METTL5: variants seen among roughly 807,000 people sequenced by gnomAD.
The protein encoded by METTL5 is rRNA N(6)-adenosine-methyltransferase METTL5.
Under a neutral mutation model 26.5 loss-of-function variants are expected in METTL5, and 28 were observed. That is an observed-to-expected ratio of 1.06 (90% confidence interval 0.78 to 1.45). The LOEUF (loss-of-function observed/expected upper bound fraction) is 1.45, where lower values mean the gene tolerates loss of function less well. Among genes scored for constraint, METTL5 ranks in the 40% most tolerant of loss-of-function variants. METTL5 has a pLI of 0.00. For missense variants in METTL5, 231 were observed against 249.9 expected, an observed-to-expected ratio of 0.92 and a Z score of 0.51; for synonymous variants, 86 against 82.6, an observed-to-expected ratio of 1.04 and a Z score of -0.22.
intron 4 of METTL5, 125 bp downstream of exon 4, chr2:169,819,436 G>C: frequency 1.6e-6 from 1 of 629,182 alleles, no homozygotes; most frequent in East Asian, 2.9e-5. Context: ...GAAAATTTAA[G>C]TTTCACATGT....
chr2:169,817,180 A>G (rs531557711), intron 4 of METTL5, among the ~76,000 whole-genome samples: 2 of 152,374 alleles, frequency 1.3e-5, no homozygotes, highest in East Asian at 3.9e-4. Context: ...GACATATGAA[A>G]AAATGCTCAT....
chr2:169,821,368 T>C (rs2105722007), intron 2 of METTL5, 95 bp from the exon 3 acceptor site: 4 of 889,790 alleles, frequency 4.5e-6, no homozygotes, highest in Middle Eastern at 2.5e-4. Context: ...ACCATATATC[T>C]TTTTAACCCA....
At chr2:169,811,897 C>A (rs771196562) in intron 6 of METTL5, 39 bp from the exon 7 acceptor site, 1 of 1,600,498 alleles carries the variant, frequency 6.2e-7, no homozygotes, top group African/African-American at 1.3e-5. Context: ...TTTAACTTGT[C>A]TTTTTGTTAT....
intron 2 of METTL5, among the ~76,000 whole-genome samples, chr2:169,821,723 G>A (rs1386559518): frequency 6.6e-6 from 1 of 152,006 alleles, no homozygotes; most frequent in Admixed American, 6.6e-5. Context: ...GGCAGGGGTT[G>A]GAAACTCAGG....
chr2:169,817,034 A>G (rs181509692), intron 4 of METTL5, among the ~76,000 whole-genome samples: 30 of 152,342 alleles, frequency 2.0e-4, no homozygotes, highest in African/African-American at 6.7e-4. Context: ...TTTGCAATCT[A>G]TCCATCTGAC....
chr2:169,818,411 G>A (rs955561451), intron 4 of METTL5, among the ~76,000 whole-genome samples: 4 of 152,142 alleles, frequency 2.6e-5, no homozygotes, highest in African/African-American at 7.2e-5. Flanking sequence ...AAGACTAGAT[G>A]CTGAGTCCTG....
intron 5 of METTL5, among the ~76,000 whole-genome samples, chr2:169,813,802 G>A (rs1322642335): frequency 2.0e-5 from 3 of 152,080 alleles, no homozygotes; most frequent in Non-Finnish European, 4.4e-5. Context: ...GGAGGTGGAG[G>A]TTGCAGTGAG....
chr2:169,824,618 C>T lies in METTL5; in HGVS notation c.-21G>A, dbSNP rs760229944. On this transcript the variant is annotated 5_prime_UTR_variant, in exon 1 of 7. Transcript: ENST00000260953. ...TTCATTTTGTTTTAAAGTATGGACT[C>T]GTAGGGTTTGAAGGCACAGGATCTG... The T allele has an allele frequency of 3.2e-6, 5 of 1,572,596 alleles. No individual in the cohort carries two copies. The highest frequency in any genetic ancestry group is 4.5e-5 in the East Asian group (2 of 44,702).
At chr2:169,824,396 A>G in intron 1 of METTL5, 93 bp downstream of exon 1, 1 of 1,032,226 alleles carries the variant, frequency 9.7e-7, no homozygotes, top group East Asian at 2.4e-5. Context: ...ATTTCTCTAG[A>G]CATTCTCTGT....
intron 5 of METTL5, chr2:169,813,091 A>G (rs1343154052): frequency 6.7e-6 from 1 of 149,074 alleles, no homozygotes; most frequent in Non-Finnish European, 1.5e-5. Flanking sequence ...TGAAATGCAG[A>G]TTCTAGTTCA....
Position 169,821,989 on chromosome 2 carries a change from A to G in METTL5, c.178T>C (p.Cys60Arg). 6.2e-7 allele frequency: 1 copy of G among 1,613,672 alleles called. No individual in the cohort carries two copies. The highest frequency in any genetic ancestry group is 8.5e-7 in the Non-Finnish European group (1 of 1,179,978). Reference protein sequence around the residue: ...IENKVVADLGCGCGVLSIGTA... With the variant: ...IENKVVADLGRGCGVLSIGTA... ...CCGATGCTAAGTACTCCACAACCAC[A>G]TCCTAGATCTGCAACGACTTTATTT... The change falls in exon 2 of 7, where the codon TGT becomes CGT. Residue 60 changes from cysteine (C) to arginine (R), a missense_variant. Coordinates refer to ENST00000260953, the MANE Select transcript of METTL5 (RefSeq NM_014168.4).
intron 4 of METTL5, among the ~76,000 whole-genome samples, chr2:169,817,782 G>T (rs185012073): frequency 6.6e-6 from 1 of 151,742 alleles, no homozygotes; most frequent in Non-Finnish European, 1.5e-5. Flanking sequence ...GGGGGCTGGC[G>T]GAGAGATAGC....
At chr2:169,812,875 GT>G (rs1481206506) in intron 5 of METTL5, 2 of 164,110 alleles carry the variant, frequency 1.2e-5, no homozygotes, top group Non-Finnish European at 2.6e-5. Flanking sequence ...CTTACCCAGA[GT>G]TTAATAATGG....
At chr2:169,819,979 T>G (rs1221610095) in intron 3 of METTL5, among the ~76,000 whole-genome samples, 2 of 150,616 alleles carry the variant, frequency 1.3e-5, no homozygotes, top group African/African-American at 5.0e-5. Context: ...TCTTTTTTTT[T>G]TTTGTTTCGC....
chr2:169,821,290 C>T lies in METTL5; in HGVS notation c.225-17G>A. The T allele has an allele frequency of 6.5e-7, 1 of 1,548,286 alleles. No individual in the cohort carries two copies. Among genetic ancestry groups the T allele is most frequent in the South Asian group, 1.3e-5 (1 of 79,850 alleles). ...ACACACAACCTATAAATACAAAACA[C>T]ATACAAAGAGTGGCGACTTATAGCT... On this transcript the variant is annotated splice_polypyrimidine_tract_variant and intron_variant, in intron 2 of 6. Coordinates refer to ENST00000260953, the MANE Select transcript of METTL5 (RefSeq NM_014168.4).
Position 169,822,054 on chromosome 2 carries a change from C to A in METTL5, c.113G>T (p.Cys38Phe), listed in dbSNP as rs776310307. 3 of 1,587,428 alleles carry A rather than the reference C, an allele frequency of 1.9e-6. No homozygotes were observed. Among genetic ancestry groups the A allele is most frequent in the Non-Finnish European group, 8.5e-7 (1 of 1,173,278 alleles). Residue 38 changes from cysteine (C) to phenylalanine (F), a missense_variant, in exon 2 of 7, where the codon TGT becomes TTT. Transcript: ENST00000260953. Reference sequence around the variant, plus strand: ...AGTGTTATGGATTGTATAGAGCATACATGCTAAAAAATAAAAAAAAAAAGA... The same window carrying A: ...AGTGTTATGGATTGTATAGAGCATAAATGCTAAAAAATAAAAAAAAAAAGA... ...QYPTRPHIAA[C>F]MLYTIHNTYD... is the part of the protein sequence containing the mutation.
At chr2:169,812,023 A>C in intron 6 of METTL5, 165 bp from the exon 7 acceptor site, 1 of 748,648 alleles carries the variant, frequency 1.3e-6, no homozygotes, top group Non-Finnish European at 2.2e-6. Flanking sequence ...GTATTAGTAC[A>C]AACTAACTAA....
At chr2:169,821,388 G>T in intron 2 of METTL5, 115 bp from the exon 3 acceptor site, 1 of 706,826 alleles carries the variant, frequency 1.4e-6, no homozygotes, top group Non-Finnish European at 2.3e-6. Context: ...AATTAGCAAA[G>T]TAAGAGTGAG....
chr2:169,822,770 G>A (rs2081602174), intron 1 of METTL5, among the ~76,000 whole-genome samples: 1 of 151,932 alleles, frequency 6.6e-6, no homozygotes, highest in African/African-American at 2.4e-5. Flanking sequence ...CAGAACACAA[G>A]CACCATAAGC....
Sources: gnomAD v4.1 joint callset for allele counts (sites outside exome capture counted in the v4.1 genomes callset) on GRCh38, gnomAD v4.1.1 for gene constraint, MANE v1.5 for transcripts, NCBI Gene and HGNC (gene_info 2026-07-23, HGNC 2026-07-21) for gene names.